Variants in VPS13A observed in about 807,000 individuals in gnomAD.
The protein encoded by VPS13A is intermembrane lipid transfer protein VPS13A.
A neutral mutation model predicts 390.9 loss-of-function variants in VPS13A; 264 were observed. The observed-to-expected ratio is 0.68, with a 90% CI of 0.61 to 0.75. VPS13A has a LOEUF of 0.75. Ranked by LOEUF, VPS13A falls within the 30% of genes least tolerant of loss-of-function variation. The probability of loss-of-function intolerance (pLI) is 0.00; values close to 1 mark genes in which losing one functional copy is unlikely to be tolerated. For missense variants in VPS13A, 3,409 were observed against 3,733.9 expected (o/e 0.91, Z 2.27); for synonymous variants, 1,231 against 1,227.1 (o/e 1.00, Z -0.07).
chr9:77,281,031 C>T (rs562243972), intron 27 of VPS13A, among the ~76,000 whole-genome samples: 61 of 151,820 alleles, frequency 4.0e-4, no homozygotes, highest in Admixed American at 6.6e-4. Context: ...AAGCCAAGCA[C>T]GGAAAGACAA....
intron 71 of VPS13A, among the ~76,000 whole-genome samples, chr9:77,408,803 C>T (rs987757681): frequency 3.3e-5 from 5 of 152,224 alleles, no homozygotes; most frequent in Admixed American, 1.3e-4. Flanking sequence ...CTGGGAAGCT[C>T]GAACTGGGTG....
At chr9:77,376,984 A>G (rs911106376) in intron 67 of VPS13A, among the ~76,000 whole-genome samples, 1 of 152,172 alleles carries the variant, frequency 6.6e-6, no homozygotes, top group Admixed American at 6.5e-5. Flanking sequence ...CAATTTCTAC[A>G]AAAAAGGTAG....
At chr9:77,209,990 C>T (rs986757236) in intron 6 of VPS13A, among the ~76,000 whole-genome samples, 1 of 151,876 alleles carries the variant, frequency 6.6e-6, no homozygotes, top group African/African-American at 2.4e-5. Flanking sequence ...GGAAAACATG[C>T]AGTATAATAT....
rs1235946374 is a variant in VPS13A at position 77,220,455 on chromosome 9, G to T, written c.989+72G>T. 2.8e-6 allele frequency: 3 copies of T among 1,066,956 alleles called. No individual in the cohort carries two copies. In the African/African-American group the frequency reaches 4.9e-5, roughly 17 times the overall value. The allele number at this position is 1,066,956 out of a possible 1,614,324, so 66.1% of individuals were successfully genotyped here. On this transcript the variant is annotated intron_variant, in intron 12 of 71. Coordinates refer to ENST00000360280, the MANE Select transcript of VPS13A (RefSeq NM_033305.3). The stretch of plus-strand genomic sequence containing the variant: ...ATAAAAATAAATTTCTCGACTTCAA[G>T]AATAATCTTTAAGATATACCATTTT...
intron 68 of VPS13A, among the ~76,000 whole-genome samples, chr9:77,389,122 C>A (rs577607622): frequency 2.6e-4 from 40 of 152,118 alleles, no homozygotes; most frequent in South Asian, 1.9e-3. Context: ...TGGTATATTT[C>A]CTTTTTAAAT....
At chr9:77,306,395 A>T (rs1003842068) in intron 34 of VPS13A, among the ~76,000 whole-genome samples, 76 of 136,868 alleles carry the variant, frequency 5.6e-4, no homozygotes, top group African/African-American at 1.9e-3. Context: ...AGAGAGAGAG[A>T]GAGAGAGTGT....
At chr9:77,347,436 T>C (rs557658276) in intron 52 of VPS13A, among the ~76,000 whole-genome samples, 4 of 152,256 alleles carry the variant, frequency 2.6e-5, no homozygotes, top group Non-Finnish European at 5.9e-5. Flanking sequence ...TCTATTTGAG[T>C]AGATTTTTAT....
intron 71 of VPS13A, among the ~76,000 whole-genome samples, chr9:77,412,060 T>C (rs979483954): frequency 6.6e-6 from 1 of 152,182 alleles, no homozygotes; most frequent in Non-Finnish European, 1.5e-5. Context: ...GTTGAGTCTC[T>C]GAAGAGACCA....
chr9:77,295,111 G>A (rs1384675361), intron 32 of VPS13A, among the ~76,000 whole-genome samples: 1 of 151,766 alleles, frequency 6.6e-6, no homozygotes, highest in African/African-American at 2.4e-5. Context: ...TATATTTTAT[G>A]TCATTGAAGT....
In VPS13A at chr9:77,403,344, C is replaced by T. The variant is rs199917382; in HGVS notation, c.9275+23C>T. 2.2e-5 allele frequency: 35 copies of T among 1,586,784 alleles called. No individual in the cohort carries two copies. The East Asian group carries it at 2.9e-4, about 13-fold the overall frequency. ...ACGGTAACTTGCTTTCTTTCTCTTA[C>T]GTAATTTTATAAGGGGTTAACTGAC... is the stretch of plus-strand genomic sequence containing the variant. On this transcript the variant is annotated intron_variant, in intron 69 of 71. Coordinates refer to ENST00000360280, the MANE Select transcript of VPS13A (RefSeq NM_033305.3).
At chr9:77,221,100 T>C (rs981570999) in intron 12 of VPS13A, 85 bp from the exon 13 acceptor site, 8 of 1,246,850 alleles carry the variant, frequency 6.4e-6, no homozygotes, top group African/African-American at 3.0e-5. Context: ...ATTATAGTTA[T>C]GTATGTTGTT....
chr9:77,296,200 T>G (rs759393494), intron 33 of VPS13A, among the ~76,000 whole-genome samples: 1 of 152,214 alleles, frequency 6.6e-6, no homozygotes, highest in Non-Finnish European at 1.5e-5. Context: ...TACATTATCA[T>G]CTTATCTTCT....
At chr9:77,415,210 A>T (rs915034533) in intron 71 of VPS13A, among the ~76,000 whole-genome samples, 1 of 152,192 alleles carries the variant, frequency 6.6e-6, no homozygotes, top group African/African-American at 2.4e-5. Context: ...TTTTCTTTTA[A>T]TTCCTTCACC....
At chr9:77,263,550 GAA>G (rs911267619) in intron 23 of VPS13A, among the ~76,000 whole-genome samples, 10 of 152,102 alleles carry the variant, frequency 6.6e-5, no homozygotes, top group Admixed American at 2.0e-4. Flanking sequence ...CTTCTTTTGA[GAA>G]GTGTCTGTTC....
intron 68 of VPS13A, among the ~76,000 whole-genome samples, chr9:77,401,104 TC>T (rs1395481982): frequency 6.6e-6 from 1 of 152,168 alleles, no homozygotes; most frequent in Non-Finnish European, 1.5e-5. Context: ...CTGTATTCTT[TC>T]CTTTGATATG....
rs902918831 is a variant in VPS13A, at chr9:77,207,246, T to C, written c.385+1167T>C. Among the ~76,000 whole-genome samples the C allele has an allele frequency of 9.2e-5, 11 of 118,944 alleles. 2 individuals are homozygous for C. Among genetic ancestry groups the C allele is most frequent in the African/African-American group, 3.5e-4 (11 of 31,514 alleles). 78.0% of individuals were successfully genotyped at this position (118,944 alleles called of 152,430 possible). A position where few individuals can be genotyped will look rare whatever the true frequency, so the allele number is the denominator to read the frequency against. Reference sequence around the variant, plus strand: ...ATATATATATATATATATATATATATATATATAAAACGTGTTATATGTAAC... The same window carrying C: ...ATATATATATATATATATATATATACATATATAAAACGTGTTATATGTAAC... On this transcript the variant is annotated intron_variant, in intron 5 of 71. Transcript: ENST00000360280.
chr9:77,324,758 G>T (rs1298176609), intron 45 of VPS13A, among the ~76,000 whole-genome samples: 1 of 149,880 alleles, frequency 6.7e-6, no homozygotes, highest in Admixed American at 6.6e-5. Flanking sequence ...GCTCACTGGA[G>T]CCGCATCTCC....
At chr9:77,376,599 G>A (rs1307091453) in intron 67 of VPS13A, among the ~76,000 whole-genome samples, 1 of 152,182 alleles carries the variant, frequency 6.6e-6, no homozygotes, top group Non-Finnish European at 1.5e-5. Context: ...GTGTAGTACT[G>A]GAAGGGTGAG....
chr9:77,390,303 A>G (rs1052850940), intron 68 of VPS13A, among the ~76,000 whole-genome samples: 2 of 152,216 alleles, frequency 1.3e-5, no homozygotes, highest in African/African-American at 4.8e-5. Context: ...CAAATAAAGC[A>G]GATTTCATGG....
Sources: allele counts gnomAD v4.1 joint callset (sites outside exome capture counted in the v4.1 genomes callset), GRCh38; gene constraint gnomAD v4.1.1; transcripts MANE v1.5; gene names NCBI Gene and HGNC (gene_info 2026-07-23, HGNC 2026-07-21).